The following PUDP variants were observed in gnomAD, a reference collection of about 807,000 sequenced individuals.
The protein encoded by PUDP is pseudouridine-5'-phosphatase.
In PUDP, 8 loss-of-function variants were observed where a neutral mutation model predicts 9.4. That is an observed-to-expected ratio of 0.85 (90% CI 0.50 to 1.53). The LOEUF (loss-of-function observed/expected upper bound fraction) is 1.53, where lower values mean the gene tolerates loss of function less well. Ranked by LOEUF, PUDP falls within the 40% of genes most tolerant of loss-of-function variation. The pLI is 0.00. For missense variants in PUDP, 188 were observed against 189.7 expected, an observed-to-expected ratio of 0.99 and a Z score of 0.05; for synonymous variants, 99 against 80.7, an observed-to-expected ratio of 1.23 and a Z score of -1.22.
At chrX:6,770,396 T>A (rs1031082120) in intron 3 of PUDP, among the ~76,000 whole-genome samples, 3 of 112,826 alleles carry the variant, frequency 2.7e-5, no homozygotes, top group Non-Finnish European at 5.6e-5. Flanking sequence ...GTTTCAGAGT[T>A]AAGAAACCAC....
At chrX:7,016,239 G>A (rs914255874) in intron 1 of PUDP, among the ~76,000 whole-genome samples, 1 of 110,871 alleles carries the variant, frequency 9.0e-6, no homozygotes, top group South Asian at 3.9e-4. Flanking sequence ...AGGCTGAGGC[G>A]GGAGGACTGC....
At chrX:6,826,370 T>C (rs931824664) in intron 3 of PUDP, among the ~76,000 whole-genome samples, 2 of 112,028 alleles carry the variant, frequency 1.8e-5, no homozygotes, top group African/African-American at 6.5e-5. Flanking sequence ...AGGGATTCAA[T>C]GTCTCATTAT....
Position 6,869,015 on chromosome X carries a change from C to T in PUDP, c.*247+108118G>A, listed in dbSNP as rs1478438860. On this transcript the variant is annotated intron_variant and NMD_transcript_variant, in intron 3 of 3. Coordinates refer to the PUDP transcript ENST00000655425. ...TTCTCTGTAGCAATGACTGTTGGTG[C>T]TCTGTTCAGGTTCATGCTGGCATTT... 2.7e-5 allele frequency among the ~76,000 whole-genome samples: 3 copies of T among 112,115 alleles called. 1 individual carries two copies. The highest frequency in any genetic ancestry group is 2.8e-4 in the East Asian group (1 of 3,574).
chrX:7,131,970 G>A (rs1379640146), intron 1 of PUDP, among the ~76,000 whole-genome samples: 1 of 110,009 alleles, frequency 9.1e-6, no homozygotes, highest in African/African-American at 3.3e-5. Context: ...GCTCTGCTGT[G>A]AGGCACATCC....
chrX:7,031,901 A>C (rs2030366138), intron 1 of PUDP, among the ~76,000 whole-genome samples: 1 of 112,200 alleles, frequency 8.9e-6, no homozygotes, highest in African/African-American at 3.2e-5. Flanking sequence ...GGCACTAAAC[A>C]TTAAAAAATC....
chrX:7,009,815 C>G (rs62590457), intron 1 of PUDP, among the ~76,000 whole-genome samples: 7,003 of 110,099 alleles, frequency 0.064, 229 homozygotes, highest in Non-Finnish European at 0.092. Context: ...TGCACATGTA[C>G]CCTAGAACTT....
At chrX:6,738,825 A>T (rs1195431196) in intron 3 of PUDP, among the ~76,000 whole-genome samples, 1 of 111,835 alleles carries the variant, frequency 8.9e-6, no homozygotes, top group Non-Finnish European at 1.9e-5. Context: ...CCTGCCTCAA[A>T]CCCAGGGAAT....
intron 1 of PUDP, among the ~76,000 whole-genome samples, chrX:7,135,058 T>C (rs761907857): frequency 1.8e-5 from 2 of 111,896 alleles, no homozygotes; most frequent in Non-Finnish European, 3.8e-5. Flanking sequence ...CAAGAGAACA[T>C]ACATGAGATG....
At chrX:6,768,449 T>C (rs1167516516) in intron 3 of PUDP, among the ~76,000 whole-genome samples, 1 of 112,152 alleles carries the variant, frequency 8.9e-6, no homozygotes, top group Non-Finnish European at 1.9e-5. Context: ...TGCTTGGGTA[T>C]GTTAGCTACA....
At chrX:6,775,365 T>C (rs115639979) in intron 3 of PUDP, among the ~76,000 whole-genome samples, 1,995 of 111,769 alleles carry the variant, frequency 0.018, 50 homozygotes, top group African/African-American at 0.061. Context: ...ATTTTGTTTG[T>C]TTCCAAGTGT....
chrX:7,114,533 T>C (rs1051291154), intron 1 of PUDP, among the ~76,000 whole-genome samples: 5 of 111,887 alleles, frequency 4.5e-5, no homozygotes, highest in African/African-American at 1.6e-4. Context: ...CACCTCTCAA[T>C]ACTGCCACAT....
chrX:7,098,549 T>C (rs1011620423), intron 2 of PUDP, among the ~76,000 whole-genome samples: 4 of 111,548 alleles, frequency 3.6e-5, no homozygotes, highest in Non-Finnish European at 5.7e-5. Flanking sequence ...ATTCAGATCA[T>C]AGTACCCCAC....
intron 3 of PUDP, among the ~76,000 whole-genome samples, chrX:6,770,629 A>G (rs191555367): frequency 2.8e-3 from 313 of 111,511 alleles, no homozygotes; most frequent in Non-Finnish European, 4.8e-3. Context: ...CACCTGTCCT[A>G]TGATAGGCCA....
At chrX:6,804,193 C>T (rs1926011238) in intron 3 of PUDP, among the ~76,000 whole-genome samples, 1 of 110,997 alleles carries the variant, frequency 9.0e-6, no homozygotes, top group Admixed American at 9.6e-5. Flanking sequence ...TGTATCTCCA[C>T]CCACGCTGGA....
chrX:7,040,109 G>C lies in PUDP; in HGVS notation c.204+37111C>G, dbSNP rs183196310. Among the ~76,000 whole-genome samples, 666 of 112,251 alleles carry C rather than the reference G, an allele frequency of 5.9e-3. 5 individuals carry two copies. The highest frequency in any genetic ancestry group is 9.1e-3 in the Non-Finnish European group (483 of 53,201). ...ATAACTCTCTATCCAAACAAAGGCTGAAAATTCAGCATGGAAGAACTCTCC... is the reference window on the plus strand; with the variant it reads ...ATAACTCTCTATCCAAACAAAGGCTCAAAATTCAGCATGGAAGAACTCTCC... On this transcript the variant is annotated intron_variant and NMD_transcript_variant, in intron 1 of 3. Transcript: ENST00000655425.
intron 3 of PUDP, among the ~76,000 whole-genome samples, chrX:6,753,139 C>T (rs1925125628): frequency 9.0e-6 from 1 of 111,080 alleles, no homozygotes; most frequent in South Asian, 3.8e-4. Flanking sequence ...ATCCTTTCCC[C>T]CTGAGTCCCC....
At chrX:6,928,722 C>T (rs1031760711) in intron 3 of PUDP, among the ~76,000 whole-genome samples, 8 of 110,681 alleles carry the variant, frequency 7.2e-5, no homozygotes, top group African/African-American at 6.6e-5. Context: ...TGGTGAGACC[C>T]GGTCTCTACC....
At chrX:6,837,891 C>CAA (rs60159618) in intron 3 of PUDP, among the ~76,000 whole-genome samples, 8,027 of 98,850 alleles carry the variant, frequency 0.081, 327 homozygotes, top group African/African-American at 0.14. Context: ...CTATTTCTAC[C>CAA]AAAAAAAAAA....
chrX:6,875,197 T>C (rs1281935596), intron 3 of PUDP, among the ~76,000 whole-genome samples: 1 of 111,081 alleles, frequency 9.0e-6, no homozygotes. Flanking sequence ...GCCTCTCAAG[T>C]AGCTGGGACT....
Sources: allele counts gnomAD v4.1 joint callset (sites outside exome capture counted in the v4.1 genomes callset), GRCh38; gene constraint gnomAD v4.1.1; transcripts MANE v1.5; gene names NCBI Gene and HGNC (gene_info 2026-07-23, HGNC 2026-07-21).